The following SYN3 variants were observed in gnomAD, a reference collection of about 807,000 sequenced individuals.
SYN3 encodes the protein synapsin III.
In SYN3, 35 loss-of-function variants were observed where a neutral mutation model predicts 65.8. That is an observed-to-expected ratio of 0.53 (90% CI 0.41 to 0.70). SYN3 has a LOEUF of 0.70. SYN3 is among the 30% of genes least tolerant of loss of function. The pLI, the probability that SYN3 is intolerant of heterozygous loss-of-function variation, is 0.00. For missense variants in SYN3, 680 were observed against 749.0 expected (o/e 0.91, Z 1.08); for synonymous variants, 270 against 292.9 (o/e 0.92, Z 0.80).
chr22:32,785,194 C>G (rs181816731), intron 6 of SYN3, among the ~76,000 whole-genome samples: 3 of 151,970 alleles, frequency 2.0e-5, no homozygotes. Flanking sequence ...CGGTGCAGCT[C>G]TTGTTGTGGA....
At chr22:32,951,248 G>A (rs1255972906) in intron 3 of SYN3, among the ~76,000 whole-genome samples, 1 of 151,862 alleles carries the variant, frequency 6.6e-6, no homozygotes, top group East Asian at 1.9e-4. Flanking sequence ...CACCAAGCAA[G>A]CTCCAGCCTC....
At chr22:33,007,737 T>C (rs1042213049) in intron 1 of SYN3, among the ~76,000 whole-genome samples, 1 of 152,202 alleles carries the variant, frequency 6.6e-6, no homozygotes, top group African/African-American at 2.4e-5. Context: ...AATAAGTACC[T>C]GTTGTTTAAC....
chr22:32,554,725 C>T (rs2058467212), intron 7 of SYN3, among the ~76,000 whole-genome samples: 1 of 152,232 alleles, frequency 6.6e-6, no homozygotes, highest in East Asian at 1.9e-4. Context: ...GGAATAAGAC[C>T]CCCTTCCCCT....
intron 6 of SYN3, among the ~76,000 whole-genome samples, chr22:32,638,011 T>C (rs943659681): frequency 1.3e-5 from 2 of 152,174 alleles, no homozygotes; most frequent in Non-Finnish European, 2.9e-5. Context: ...ATTGTTGTCA[T>C]CTTTATGTCC....
chr22:32,782,975 C>A (rs1026264210), intron 6 of SYN3, among the ~76,000 whole-genome samples: 26 of 152,238 alleles, frequency 1.7e-4, no homozygotes, highest in African/African-American at 6.0e-4. Context: ...AAGCACTTCT[C>A]ATTGAAGCTT....
intron 6 of SYN3, among the ~76,000 whole-genome samples, chr22:32,710,829 C>A (rs1261536058): frequency 6.6e-6 from 1 of 151,904 alleles, no homozygotes; most frequent in Non-Finnish European, 1.5e-5. Flanking sequence ...AACCATGAGC[C>A]AATTAAACCT....
At chr22:32,569,439 CTATCTATCTTCTCTA>C in intron 7 of SYN3, among the ~76,000 whole-genome samples, 4 of 149,858 alleles carry the variant, frequency 2.7e-5, no homozygotes, top group African/African-American at 9.9e-5. Flanking sequence ...ATCTATCTAT[CTATCTATCTTCTCTA>C]TCTATCTAAA....
At chr22:32,886,986 G>A (rs1185805895) in intron 4 of SYN3, among the ~76,000 whole-genome samples, 1 of 152,148 alleles carries the variant, frequency 6.6e-6, no homozygotes, top group Non-Finnish European at 1.5e-5. Flanking sequence ...AGATGGGTTG[G>A]CACCCCATGA....
chr22:32,629,834 G>A (rs1200926222), intron 6 of SYN3: 4 of 152,030 alleles, frequency 2.6e-5, no homozygotes, highest in African/African-American at 9.7e-5. Flanking sequence ...AGAGCTGGAT[G>A]ATCAGGGCCA....
chr22:33,058,135 C>A (rs1037386903), intron 1 of SYN3, among the ~76,000 whole-genome samples, 157 bp downstream of exon 1: 1 of 152,168 alleles, frequency 6.6e-6, no homozygotes, highest in Admixed American at 6.5e-5. Context: ...TTGCCTCCCT[C>A]CCTGCCCCTC....
At chr22:33,025,866 C>T (rs2053634406) in intron 1 of SYN3, among the ~76,000 whole-genome samples, 1 of 152,156 alleles carries the variant, frequency 6.6e-6, no homozygotes, top group Non-Finnish European at 1.5e-5. Context: ...CTGCACCAGG[C>T]CCCATCATGT....
intron 8 of SYN3, among the ~76,000 whole-genome samples, chr22:32,538,861 C>T (rs1289920269): frequency 6.6e-6 from 1 of 152,194 alleles, no homozygotes; most frequent in African/African-American, 2.4e-5. Flanking sequence ...AGTGTCCTCT[C>T]TTCTCTGATG....
intron 6 of SYN3, among the ~76,000 whole-genome samples, chr22:32,671,639 T>C (rs2060368139): frequency 8.9e-6 from 1 of 111,798 alleles, no homozygotes; most frequent in Non-Finnish European, 1.8e-5. Flanking sequence ...ACACAGACGC[T>C]CTCACACAGA....
At chr22:32,563,117 C>T (rs1342785677) in intron 7 of SYN3, among the ~76,000 whole-genome samples, 2 of 152,244 alleles carry the variant, frequency 1.3e-5, no homozygotes, top group African/African-American at 2.4e-5. Flanking sequence ...AACCTCATTG[C>T]GTTCCCACTC....
intron 6 of SYN3, among the ~76,000 whole-genome samples, chr22:32,697,769 A>G (rs1047324048): frequency 6.6e-6 from 1 of 152,212 alleles, no homozygotes. Flanking sequence ...CAGGCAACGT[A>G]TATTTTTCTA....
At chr22:32,910,458 C>T (rs532829421) in intron 4 of SYN3, among the ~76,000 whole-genome samples, 97 of 152,198 alleles carry the variant, frequency 6.4e-4, no homozygotes, top group Admixed American at 1.9e-3. Flanking sequence ...GCCCTGGCAG[C>T]CTTGGATCCT....
intron 6 of SYN3, among the ~76,000 whole-genome samples, chr22:32,709,016 C>A (rs570217024): frequency 6.6e-6 from 1 of 152,306 alleles, no homozygotes; most frequent in South Asian, 2.1e-4. Flanking sequence ...GGGGCCAGCT[C>A]CTGTCTTGCA....
chr22:32,519,570 C>G (rs2057841480), intron 12 of SYN3: 1 of 152,132 alleles, frequency 6.6e-6, no homozygotes, highest in South Asian at 2.1e-4. Context: ...GTTTCTCCCT[C>G]TCACCGTACA....
At chr22:32,997,310 T>C (rs1047786820) in intron 2 of SYN3, among the ~76,000 whole-genome samples, 2 of 152,168 alleles carry the variant, frequency 1.3e-5, no homozygotes, top group Admixed American at 6.5e-5. Flanking sequence ...CAAAAGATGA[T>C]GATGCAGACA....
Sources: gnomAD v4.1 joint callset for allele counts (sites outside exome capture counted in the v4.1 genomes callset) on GRCh38, gnomAD v4.1.1 for gene constraint, MANE v1.5 for transcripts, NCBI Gene and HGNC (gene_info 2026-07-23, HGNC 2026-07-21) for gene names.